The following MAP3K1 variants were observed in gnomAD, a reference collection of about 807,000 sequenced individuals.
The protein encoded by MAP3K1 is mitogen-activated protein kinase kinase kinase 1.
MAP3K1 carries 36 observed loss-of-function variants against 144.2 expected under a neutral mutation model. The ratio of observed to expected loss-of-function variants is 0.25; its 90% CI spans 0.19 to 0.33. The LOEUF is 0.33. Among genes scored for constraint, MAP3K1 ranks in the 10% least tolerant of loss-of-function variants. The probability of loss-of-function intolerance (pLI) is 1.00; values close to 1 mark genes in which losing one functional copy is unlikely to be tolerated. For synonymous variants in MAP3K1, 718 were observed against 688.7 expected (o/e 1.04, Z -0.67); for missense variants, 1,650 against 1,881.9 (o/e 0.88, Z 2.28).
chr5:56,867,126 C>A (rs1008343260), intron 6 of MAP3K1, among the ~76,000 whole-genome samples: 10 of 152,146 alleles, frequency 6.6e-5, no homozygotes, highest in Non-Finnish European at 1.5e-4. Flanking sequence ...ACCACCACAC[C>A]CAGCTCCTTT....
intron 19 of MAP3K1, among the ~76,000 whole-genome samples, chr5:56,890,058 T>A (rs1748503229): frequency 6.6e-6 from 1 of 152,194 alleles, no homozygotes; most frequent in Admixed American, 6.5e-5. Context: ...TCATTCCAGA[T>A]TCTCATAGCA....
chr5:56,844,444 G>T (rs558379539), intron 1 of MAP3K1, among the ~76,000 whole-genome samples: 127 of 152,168 alleles, frequency 8.3e-4, no homozygotes, highest in African/African-American at 2.8e-3. Flanking sequence ...CTCCCAAAGT[G>T]CTGGGATTAC....
chr5:56,829,872 A>G (rs1479641447), intron 1 of MAP3K1, among the ~76,000 whole-genome samples: 1 of 152,218 alleles, frequency 6.6e-6, no homozygotes, highest in Non-Finnish European at 1.5e-5. Flanking sequence ...ATCATCCTGC[A>G]GTTTTTTAAG....
At chr5:56,818,807 T>A (rs1029505795) in intron 1 of MAP3K1, among the ~76,000 whole-genome samples, 1 of 152,330 alleles carries the variant, frequency 6.6e-6, no homozygotes, top group Non-Finnish European at 1.5e-5. Flanking sequence ...GAACAAGATA[T>A]GCTGTACTTG....
chr5:56,842,203 A>G (rs761356629), intron 1 of MAP3K1: 1 of 152,338 alleles, frequency 6.6e-6, no homozygotes, highest in Admixed American at 6.5e-5. Flanking sequence ...GCTAGTCAAC[A>G]TTGTTACCTT....
In MAP3K1 at chr5:56,865,881, C is replaced by T. The variant is rs1188376478; in HGVS notation, c.1205C>T (p.Ala402Val). ...AGTAGGCGTAGCTCAAGGATCAAAG[C>T]TCCATCTCGTAACACCATCCAGAAG... ...YHSRRSSRIKAPSRNTIQKFV... is the reference protein window; with the variant it reads ...YHSRRSSRIKVPSRNTIQKFV... Residue 402 changes from alanine to valine, a missense_variant, in exon 6 of 20, where the codon GCT becomes GTT. Around this residue, in one of 6 missense-constraint regions of MAP3K1, gnomAD observed 125 missense variants for 179.9 expected, o/e 0.69. Coordinates refer to ENST00000399503, the MANE Select transcript of MAP3K1 (RefSeq NM_005921.2). The T allele has an allele frequency of 6.2e-7, 1 of 1,613,924 alleles. No individual in the cohort carries two copies. Among genetic ancestry groups the T allele is most frequent in the Admixed American group, 1.7e-5 (1 of 60,024 alleles).
In MAP3K1 at chr5:56,873,079, AGTT is replaced by A. The variant is rs937100189; in HGVS notation, c.1686+78_1686+80del. On this transcript the variant is annotated intron_variant, in intron 9 of 19. Coordinates refer to ENST00000399503, the MANE Select transcript of MAP3K1 (RefSeq NM_005921.2). Reference sequence around the variant, plus strand: ...ATTAATGTATTTGTCTCCTTCCCTCAGTTGTTCATAATTTAAAAAAACACTTTT... The same window carrying A: ...ATTAATGTATTTGTCTCCTTCCCTCAGTTCATAATTTAAAAAAACACTTTT... The A allele has an allele frequency of 3.1e-5, 43 of 1,382,310 alleles. No individual in the cohort carries two copies. In the Middle Eastern group the frequency reaches 9.7e-4, roughly 31 times the overall value. 85.6% of individuals were successfully genotyped at this position (1,382,310 alleles called of 1,614,324 possible). A position where few individuals can be genotyped will look rare whatever the true frequency, so the allele number is the denominator to read the frequency against.
At chr5:56,830,989 G>T (rs191247559) in intron 1 of MAP3K1, among the ~76,000 whole-genome samples, 1 of 150,608 alleles carries the variant, frequency 6.6e-6, no homozygotes, top group East Asian at 2.0e-4. Flanking sequence ...TAAATGTTTT[G>T]TAAGAAGTTT....
chr5:56,883,699 A>G lies in MAP3K1; in HGVS notation c.3819+20A>G, dbSNP rs374086481. 3.6e-5 allele frequency: 58 copies of G among 1,612,668 alleles called. No homozygotes were observed. Among genetic ancestry groups the G allele is most frequent in the Non-Finnish European group, 4.7e-5 (55 of 1,178,818 alleles). On this transcript the variant is annotated intron_variant, in intron 15 of 19. Coordinates refer to ENST00000399503, the MANE Select transcript of MAP3K1 (RefSeq NM_005921.2). The stretch of plus-strand genomic sequence containing the variant: ...AAACAGGTAAATATCTAGTGAGCAT[A>G]TAAATGAAATGACTCAAATCACAAA...
At position 56,856,748 on chromosome 5, in the gene MAP3K1, G is replaced by C; in HGVS notation, c.631G>C (p.Val211Leu). Residue 211 changes from valine to leucine, a missense_variant and splice_region_variant, in exon 2 of 20, where the codon GTG (valine) becomes CTG (leucine). Val to Leu is a conservative substitution (Grantham distance 32, BLOSUM62 1). This residue lies in a region of MAP3K1 where 148 missense variants were observed against 177.2 expected (regional missense o/e 0.84). Coordinates refer to ENST00000399503, the MANE Select transcript of MAP3K1 (RefSeq NM_005921.2). ...GGAAAGGAGAAATAGGCGAGGGCCT[G>C]TGGTAAGTGGCTATGGGTTACCAGT... ...WLERRNRRGP[V>L]VVKPIPVKGD... The C allele has an allele frequency of 1.2e-6, 2 of 1,613,914 alleles. No individual in the cohort carries two copies. Among genetic ancestry groups the C allele is most frequent in the East Asian group, 2.2e-5 (1 of 44,874 alleles).
chr5:56,882,580 A>T lies in MAP3K1; in HGVS notation c.3380A>T (p.Glu1127Val). ...AAATGCAGATTAGATGTCAATACAG[A>T]GCTCAACTCCAGTATTGAGGACCTT... is the stretch of plus-strand genomic sequence containing the variant. ...EEKCRLDVNTELNSSIEDLLE... is the reference protein window; with the variant it reads ...EEKCRLDVNTVLNSSIEDLLE... The change falls in exon 14 of 20, where the codon GAG (glutamate) becomes GTG (valine). Residue 1127 changes from glutamate to valine, a missense_variant. Glu to Val is a moderately radical substitution (Grantham distance 121). Coordinates refer to ENST00000399503, the MANE Select transcript of MAP3K1 (RefSeq NM_005921.2). The T allele has an allele frequency of 6.2e-7, 1 of 1,614,168 alleles. No homozygotes were observed. The highest frequency in any genetic ancestry group is 8.5e-7 in the Non-Finnish European group (1 of 1,180,004).
intron 18 of MAP3K1, chr5:56,887,927 G>T (rs1346067973): frequency 2.1e-6 from 1 of 466,984 alleles, no homozygotes; most frequent in Non-Finnish European, 3.9e-6. Flanking sequence ...CTTCTGTCGT[G>T]TTCATAATTC....
Position 56,841,056 on chromosome 5 carries a change from T to G in MAP3K1, c.483-15544T>G, listed in dbSNP as rs146673194. Among the ~76,000 whole-genome samples the G allele has an allele frequency of 5.2e-3, 795 of 152,176 alleles. 4 individuals are homozygous for G. The highest frequency in any genetic ancestry group is 7.0e-3 in the Non-Finnish European group (477 of 67,990). On this transcript the variant is annotated intron_variant, in intron 1 of 19. Coordinates refer to ENST00000399503, the MANE Select transcript of MAP3K1 (RefSeq NM_005921.2). ...ACGCCCAGCTAATTTGTGTGTGTGT[T>G]TAGTAGAGATGGGGTTTTGCCATAT... is the stretch of plus-strand genomic sequence containing the variant.
chr5:56,816,932 A>C (rs1314435609), intron 1 of MAP3K1: 2 of 204,840 alleles, frequency 9.8e-6, no homozygotes, highest in East Asian at 1.8e-4. Context: ...TCAGCCATTC[A>C]GTTTCAAAGC....
chr5:56,855,935 C>T (rs1170168205), intron 1 of MAP3K1, among the ~76,000 whole-genome samples: 2 of 152,110 alleles, frequency 1.3e-5, no homozygotes, highest in Non-Finnish European at 2.9e-5. Flanking sequence ...GATGCTTTGC[C>T]TGTTAGGCTT....
chr5:56,848,017 T>C (rs1747049817), intron 1 of MAP3K1, among the ~76,000 whole-genome samples: 2 of 152,198 alleles, frequency 1.3e-5, no homozygotes, highest in South Asian at 4.1e-4. Context: ...ACAGTTAATA[T>C]ACATTTTTCT....
intron 1 of MAP3K1, among the ~76,000 whole-genome samples, chr5:56,845,325 C>T (rs570300425): frequency 1.3e-5 from 2 of 152,284 alleles, no homozygotes; most frequent in African/African-American, 4.8e-5. Flanking sequence ...TAGGAGAAAA[C>T]ATACACTGCA....
intron 1 of MAP3K1, among the ~76,000 whole-genome samples, chr5:56,844,049 T>C (rs1746899823): frequency 1.3e-5 from 2 of 152,286 alleles, no homozygotes; most frequent in African/African-American, 4.8e-5. Context: ...CCTTGGAGAT[T>C]AATGACACAT....
Position 56,815,771 on chromosome 5 carries a change from G to C in MAP3K1, c.198G>C (p.Arg66=). Residue 66 remains arginine (R), a synonymous_variant, in exon 1 of 20, where the codon CGG becomes CGC. Coordinates refer to ENST00000399503, the MANE Select transcript of MAP3K1 (RefSeq NM_005921.2). ...GGCGGCGGCAGCTGCGCAAAGTGCG[G>C]AGTGTGGAGCTGGACCAGCTGCCTG... The part of the protein sequence containing the change: ...DWRRRQLRKV[R]SVELDQLPEQ... 1 of 1,405,058 alleles carries C rather than the reference G, an allele frequency of 7.1e-7. No individual in the cohort carries two copies. The highest frequency in any genetic ancestry group is 1.5e-5 in the South Asian group (1 of 67,640). The allele number at this position is 1,405,058 out of a possible 1,614,324, so 87.0% of individuals were successfully genotyped here. A position where few individuals can be genotyped will look rare whatever the true frequency, so the allele number is the denominator to read the frequency against.
Sources: gnomAD v4.1 joint callset for allele counts (sites outside exome capture counted in the v4.1 genomes callset) on GRCh38, gnomAD v4.1.1 for gene constraint, gnomAD v4.1.1 regional missense constraint, MANE v1.5 for transcripts, NCBI Gene and HGNC (gene_info 2026-07-23, HGNC 2026-07-21) for gene names.